Variants in ARHGAP15 observed in about 807,000 individuals in gnomAD.
The protein encoded by ARHGAP15 is Rho GTPase activating protein 15.
In ARHGAP15, 51 loss-of-function variants were observed where a neutral mutation model predicts 63.7. The ratio of observed to expected loss-of-function variants is 0.80; its 90% CI spans 0.64 to 1.01. The LOEUF (loss-of-function observed/expected upper bound fraction) is 1.01. Ranked by LOEUF, ARHGAP15 falls within the 50% of genes least tolerant of loss-of-function variation. The pLI, the probability that ARHGAP15 is intolerant of heterozygous loss-of-function variation, is 0.00. For missense variants in ARHGAP15, 560 were observed against 564.6 expected (o/e 0.99, Z 0.08); for synonymous variants, 191 against 193.8 (o/e 0.99, Z 0.12).
At chr2:143,412,812 C>A (rs1425442050) in intron 6 of ARHGAP15, among the ~76,000 whole-genome samples, 1 of 152,090 alleles carries the variant, frequency 6.6e-6, no homozygotes, top group East Asian at 1.9e-4. Flanking sequence ...CATCTCAAAA[C>A]CTTTTCTTAT....
At chr2:143,350,742 G>A (rs1413550083) in intron 6 of ARHGAP15, among the ~76,000 whole-genome samples, 1 of 148,466 alleles carries the variant, frequency 6.7e-6, no homozygotes, top group Admixed American at 6.8e-5. Context: ...AGAAGGCTGA[G>A]GCAGGAGAAT....
intron 6 of ARHGAP15, among the ~76,000 whole-genome samples, chr2:143,414,883 C>T (rs1451786924): frequency 6.6e-6 from 1 of 152,114 alleles, no homozygotes; most frequent in East Asian, 1.9e-4. Context: ...GAGTCAAGAT[C>T]ACACCACTGC....
chr2:143,530,168 C>T (rs528331893), intron 10 of ARHGAP15, among the ~76,000 whole-genome samples: 3 of 152,066 alleles, frequency 2.0e-5, no homozygotes, highest in East Asian at 1.9e-4. Context: ...TTAAACATAA[C>T]GTAAAGTCAT....
intron 6 of ARHGAP15, among the ~76,000 whole-genome samples, chr2:143,356,084 A>G (rs1458022335): frequency 1.3e-5 from 2 of 152,056 alleles, no homozygotes; most frequent in Admixed American, 1.3e-4. Context: ...GAAAGAAAGA[A>G]AGCATTCTGA....
chr2:143,135,924 C>A (rs1423185266), intron 1 of ARHGAP15, among the ~76,000 whole-genome samples: 1 of 152,060 alleles, frequency 6.6e-6, no homozygotes, highest in Admixed American at 6.6e-5. Context: ...ATTTCAAGAC[C>A]AAATCTTTTC....
intron 10 of ARHGAP15, among the ~76,000 whole-genome samples, chr2:143,523,934 A>C (rs12612774): frequency 0.27 from 41,695 of 151,956 alleles, 6,073 homozygotes; most frequent in African/African-American, 0.38. Context: ...AAATGAAATC[A>C]TGTTTTTCAA....
chr2:143,180,426 A>G (rs1455593327), intron 2 of ARHGAP15, among the ~76,000 whole-genome samples: 2 of 152,110 alleles, frequency 1.3e-5, no homozygotes, highest in African/African-American at 2.4e-5. Context: ...TGTTATTTTT[A>G]CCACATCTAC....
At chr2:143,220,690 T>TA (rs1435441215) in intron 4 of ARHGAP15, among the ~76,000 whole-genome samples, 2 of 152,226 alleles carry the variant, frequency 1.3e-5, no homozygotes, top group African/African-American at 4.8e-5. Flanking sequence ...ATGTAGTTTT[T>TA]ATCCCATTGA....
intron 1 of ARHGAP15, among the ~76,000 whole-genome samples, chr2:143,135,730 A>T (rs143416231): frequency 6.6e-6 from 1 of 152,038 alleles, no homozygotes; most frequent in Non-Finnish European, 1.5e-5. Flanking sequence ...TTTTTCTTCC[A>T]GTTTTCCTCC....
At chr2:143,333,543 G>A (rs188030295) in intron 6 of ARHGAP15, among the ~76,000 whole-genome samples, 1 of 152,250 alleles carries the variant, frequency 6.6e-6, no homozygotes, top group Admixed American at 6.5e-5. Flanking sequence ...CAAAGTGAAA[G>A]ACAAAGTAGT....
At chr2:143,484,357 C>T (rs1033050305) in intron 8 of ARHGAP15, among the ~76,000 whole-genome samples, 25 of 113,824 alleles carry the variant, frequency 2.2e-4, no homozygotes, top group East Asian at 6.8e-4. Context: ...CAGAGAGAGA[C>T]TCCATCTCAA....
At chr2:143,570,142 C>G (rs1696392700) in intron 11 of ARHGAP15, among the ~76,000 whole-genome samples, 1 of 152,122 alleles carries the variant, frequency 6.6e-6, no homozygotes, top group African/African-American at 2.4e-5. Context: ...TAAATGTGTC[C>G]CTTACAACCA....
At chr2:143,450,631 A>C (rs1226619807) in intron 8 of ARHGAP15, among the ~76,000 whole-genome samples, 1 of 152,000 alleles carries the variant, frequency 6.6e-6, no homozygotes, top group African/African-American at 2.4e-5. Flanking sequence ...TGTTGCTGAA[A>C]TATAAATTCC....
chr2:143,162,406 T>C (rs1011715195), intron 2 of ARHGAP15: 1 of 152,028 alleles, frequency 6.6e-6, no homozygotes, highest in Non-Finnish European at 1.5e-5. Flanking sequence ...AGGCACACTG[T>C]TCCTCTGTCG....
At chr2:143,458,895 T>G (rs1690786329) in intron 8 of ARHGAP15, among the ~76,000 whole-genome samples, 1 of 152,188 alleles carries the variant, frequency 6.6e-6, no homozygotes, top group Non-Finnish European at 1.5e-5. Flanking sequence ...TCATAATGCT[T>G]AGGGTCACCT....
At chr2:143,233,793 C>T (rs560623909) in intron 5 of ARHGAP15, among the ~76,000 whole-genome samples, 17 of 151,944 alleles carry the variant, frequency 1.1e-4, no homozygotes, top group Non-Finnish European at 2.5e-4. Flanking sequence ...TACAGACACG[C>T]ACCACCAAGC....
intron 2 of ARHGAP15, among the ~76,000 whole-genome samples, chr2:143,169,853 G>T (rs566573807): frequency 1.3e-5 from 2 of 151,922 alleles, no homozygotes; most frequent in Admixed American, 6.6e-5. Context: ...CATGATACAG[G>T]TTCAATAATC....
At chr2:143,510,250 C>G (rs1266696467) in intron 9 of ARHGAP15, among the ~76,000 whole-genome samples, 1 of 152,096 alleles carries the variant, frequency 6.6e-6, no homozygotes, top group African/African-American at 2.4e-5. Context: ...ATAATCTGCC[C>G]ATATGTGTGG....
intron 6 of ARHGAP15, among the ~76,000 whole-genome samples, chr2:143,271,568 C>T (rs1290216286): frequency 6.6e-6 from 1 of 152,222 alleles, no homozygotes; most frequent in Non-Finnish European, 1.5e-5. Flanking sequence ...CTCCGCTTCC[C>T]GGGTTCACAC....
Sources: allele counts gnomAD v4.1 joint callset (sites outside exome capture counted in the v4.1 genomes callset), GRCh38; gene constraint gnomAD v4.1.1; transcripts MANE v1.5; gene names NCBI Gene and HGNC (gene_info 2026-07-23, HGNC 2026-07-21).